TNFSF8: variants seen among roughly 807,000 people sequenced by gnomAD.
TNFSF8 encodes the protein TNF superfamily member 8.
Under a neutral mutation model 22.0 loss-of-function variants are expected in TNFSF8, and 4 were observed. That is an observed-to-expected ratio of 0.18 (90% CI 0.09 to 0.42). The LOEUF is 0.42. Ranked by LOEUF, TNFSF8 falls within the 10% of genes least tolerant of loss-of-function variation. TNFSF8 has a pLI of 1.00. For synonymous variants in TNFSF8, 106 were observed against 112.5 expected, an observed-to-expected ratio of 0.94 and a Z score of 0.37; for missense variants, 233 against 281.8, an observed-to-expected ratio of 0.83 and a Z score of 1.24.
intron 4 of TNFSF8, among the ~76,000 whole-genome samples, chr9:114,895,102 C>T (rs1827643527): frequency 6.6e-6 from 1 of 152,196 alleles, no homozygotes; most frequent in Admixed American, 6.5e-5. Flanking sequence ...TGTTTGGAGC[C>T]TCCTGGTTGT....
chr9:114,895,983 A>G (rs1827651744), intron 4 of TNFSF8, among the ~76,000 whole-genome samples: 1 of 152,242 alleles, frequency 6.6e-6, no homozygotes, highest in Non-Finnish European at 1.5e-5. Context: ...AGTGGTGATC[A>G]TTACAAATGA....
chr9:114,918,058 G>A (rs1827941783), intron 2 of TNFSF8, 38 bp downstream of exon 2: 2 of 1,558,552 alleles, frequency 1.3e-6, no homozygotes, highest in African/African-American at 2.8e-5. Context: ...TTATCTAGAT[G>A]ACTTACTACA....
chr9:114,927,710 G>T (rs961010597), intron 1 of TNFSF8, among the ~76,000 whole-genome samples: 17 of 152,122 alleles, frequency 1.1e-4, no homozygotes, highest in African/African-American at 4.1e-4. Context: ...GTGACTTCTT[G>T]TGCCAGTAAA....
chr9:114,915,659 A>T (rs1280468760), intron 2 of TNFSF8, among the ~76,000 whole-genome samples: 1 of 152,202 alleles, frequency 6.6e-6, no homozygotes, highest in Non-Finnish European at 1.5e-5. Flanking sequence ...TCAGCGCATC[A>T]TCTGCAAAAT....
chr9:114,914,937 C>G lies in TNFSF8; in HGVS notation c.238+3159G>C, dbSNP rs142296531. Among the ~76,000 whole-genome samples the G allele has an allele frequency of 2.2e-4, 33 of 152,168 alleles. No homozygotes were observed. The East Asian group carries it at 6.4e-3, about 29-fold the overall frequency. On this transcript the variant is annotated intron_variant, in intron 2 of 3. Coordinates refer to ENST00000223795, the MANE Select transcript of TNFSF8 (RefSeq NM_001244.4). Reference sequence around the variant, plus strand: ...TAGCGAAGTGTATCCTGTGTTTTTTCTTTAGCATGTGCACATAGCTCTACA... The same window carrying G: ...TAGCGAAGTGTATCCTGTGTTTTTTGTTTAGCATGTGCACATAGCTCTACA...
In TNFSF8 at chr9:114,914,577, A is replaced by T. The variant is rs185409775; in HGVS notation, c.238+3519T>A. On this transcript the variant is annotated intron_variant, in intron 2 of 3. Transcript: ENST00000223795. ...GACATTTGTGAAATGAGATGGGAACATTTTATCTGGATATGAAAGAACAGA... is the reference window on the plus strand; with the variant it reads ...GACATTTGTGAAATGAGATGGGAACTTTTTATCTGGATATGAAAGAACAGA... Among the ~76,000 whole-genome samples the T allele has an allele frequency of 7.2e-5, 11 of 152,306 alleles. No individual in the cohort carries two copies. The East Asian group carries it at 1.9e-3, about 27-fold the overall frequency.
intron 1 of TNFSF8, among the ~76,000 whole-genome samples, chr9:114,925,555 C>A (rs1828046977): frequency 6.6e-6 from 1 of 152,136 alleles, no homozygotes; most frequent in African/African-American, 2.4e-5. Context: ...TGTGTTTACC[C>A]TACACTTCTA....
Position 114,907,994 on chromosome 9 carries a change from C to T in TNFSF8, c.239-2095G>A, listed in dbSNP as rs74499124. On this transcript the variant is annotated intron_variant, in intron 2 of 3. Coordinates refer to ENST00000223795, the MANE Select transcript of TNFSF8 (RefSeq NM_001244.4). Reference sequence around the variant, plus strand: ...CGGGAGTTTGGGGCTTTGCAGTCCCCCTAAACATACCATTTAGGAATGTTG... The same window carrying T: ...CGGGAGTTTGGGGCTTTGCAGTCCCTCTAAACATACCATTTAGGAATGTTG... Among the ~76,000 whole-genome samples the T allele has an allele frequency of 1.3e-3, 197 of 152,278 alleles. 2 individuals carry two copies. In the East Asian group the frequency reaches 0.033, roughly 26 times the overall value.
chr9:114,921,724 T>C (rs1229062185), intron 1 of TNFSF8, among the ~76,000 whole-genome samples: 1 of 152,226 alleles, frequency 6.6e-6, no homozygotes, highest in Non-Finnish European at 1.5e-5. Flanking sequence ...TCTTGCTCAA[T>C]GACTTGGCTT....
At chr9:114,911,382 C>T (rs950322431) in intron 2 of TNFSF8, among the ~76,000 whole-genome samples, 13 of 152,266 alleles carry the variant, frequency 8.5e-5, no homozygotes, top group African/African-American at 3.1e-4. Flanking sequence ...CCAGGAGAGT[C>T]CCAACAGTGA....
At chr9:114,925,146 G>A (rs1428495134) in intron 1 of TNFSF8, among the ~76,000 whole-genome samples, 1 of 152,180 alleles carries the variant, frequency 6.6e-6, no homozygotes, top group Non-Finnish European at 1.5e-5. Context: ...AGAGTCCAGT[G>A]GCAGTGAGCT....
chr9:114,909,655 G>C, intron 2 of TNFSF8, among the ~76,000 whole-genome samples: 1 of 152,206 alleles, frequency 6.6e-6, no homozygotes. Context: ...TCCCCTATCA[G>C]ACCTGCTGGT....
chr9:114,919,350 T>C (rs1277972821), intron 1 of TNFSF8, among the ~76,000 whole-genome samples: 2 of 152,170 alleles, frequency 1.3e-5, no homozygotes, highest in African/African-American at 4.8e-5. Context: ...AGAAACAGAT[T>C]GTCTTTTGAA....
chr9:114,920,212 C>T (rs10982451), intron 1 of TNFSF8, among the ~76,000 whole-genome samples: 54,785 of 152,068 alleles, frequency 0.36, 10,401 homozygotes, highest in Admixed American at 0.45. Flanking sequence ...CATTGATTAG[C>T]ATGATGTGCA....
In TNFSF8 at chr9:114,929,892, T is replaced by C. The variant is rs6478119; in HGVS notation, c.195+217A>G. Among the ~76,000 whole-genome samples the C allele has an allele frequency of 2.4e-4, 34 of 139,272 alleles. No individual in the cohort carries two copies. In the East Asian group the frequency reaches 6.9e-3, roughly 28 times the overall value. 91.4% of individuals were successfully genotyped at this position (139,272 alleles called of 152,430 possible). A position where few individuals can be genotyped will look rare whatever the true frequency, so the allele number is the denominator to read the frequency against. Reference sequence around the variant, plus strand: ...CCTTTCTCATATATATATATATATATAATATATACTGTATAATATAATATA... The same window carrying C: ...CCTTTCTCATATATATATATATATACAATATATACTGTATAATATAATATA... On this transcript the variant is annotated intron_variant, in intron 1 of 3. Coordinates refer to ENST00000223795, the MANE Select transcript of TNFSF8 (RefSeq NM_001244.4).
chr9:114,913,658 C>T (rs1334015281), intron 2 of TNFSF8, among the ~76,000 whole-genome samples: 2 of 152,212 alleles, frequency 1.3e-5, no homozygotes, highest in Non-Finnish European at 2.9e-5. Context: ...CCCAGCTAAG[C>T]ACAAGGGCTG....
Position 114,902,560 on chromosome 9 carries a change from A to C in TNFSF8, c.*1371T>G. ...TCAGTGTGGTAGTTCTTTCCATTAC[A>C]TCCTTGAGATCCTGCTGTTCACACC... is the stretch of plus-strand genomic sequence containing the variant. On this transcript the variant is annotated 3_prime_UTR_variant, in exon 4 of 4. Transcript: ENST00000223795. The C allele has an allele frequency of 1.0e-6, 1 of 985,404 alleles. No individual in the cohort carries two copies. Among genetic ancestry groups the C allele is most frequent in the Non-Finnish European group, 1.2e-6 (1 of 829,930 alleles). The allele number at this position is 985,404 out of a possible 1,614,324, so 61.0% of individuals were successfully genotyped here.
chr9:114,902,439 G>C lies in TNFSF8; in HGVS notation c.*1492C>G, dbSNP rs1008682042. ...GCTTTCCTGACCAGAAATGAAAAAT[G>C]CCTGCTGCTCAATTATTGTCAATCT... On this transcript the variant is annotated 3_prime_UTR_variant, in exon 4 of 4. Coordinates refer to ENST00000223795, the MANE Select transcript of TNFSF8 (RefSeq NM_001244.4). 1.8e-5 allele frequency: 18 copies of C among 985,330 alleles called. No homozygotes were observed. Among genetic ancestry groups the C allele is most frequent in the Non-Finnish European group, 2.0e-5 (17 of 829,948 alleles). 61.0% of individuals were successfully genotyped at this position (985,330 alleles called of 1,614,324 possible).
At chr9:114,906,348 A>G (rs1051921408) in intron 2 of TNFSF8, among the ~76,000 whole-genome samples, 1 of 152,248 alleles carries the variant, frequency 6.6e-6, no homozygotes, top group African/African-American at 2.4e-5. Context: ...GAGAATGATA[A>G]TACTGATAGT....
Sources: allele counts gnomAD v4.1 joint callset (sites outside exome capture counted in the v4.1 genomes callset), GRCh38; gene constraint gnomAD v4.1.1; transcripts MANE v1.5; gene names NCBI Gene and HGNC (gene_info 2026-07-23, HGNC 2026-07-21).